WWOX: variants seen among roughly 807,000 people sequenced by gnomAD.
WWOX encodes the protein WW domain containing oxidoreductase.
A neutral mutation model predicts 46.2 loss-of-function variants in WWOX; 69 were observed. The ratio of observed to expected loss-of-function variants is 1.49; its 90% confidence interval spans 1.23 to 1.82. The LOEUF (loss-of-function observed/expected upper bound fraction) is 1.82. Ranked by LOEUF, WWOX falls within the 40% of genes most tolerant of loss-of-function variation. WWOX has a pLI of 0.00. For missense variants in WWOX, 919 were observed against 542.6 expected (o/e 1.69, Z -6.89); for synonymous variants, 359 against 202.6 (o/e 1.77, Z -6.56).
intron 8 of WWOX, among the ~76,000 whole-genome samples, chr16:78,746,169 A>G (rs190305287): frequency 1.3e-5 from 2 of 152,312 alleles, no homozygotes; most frequent in South Asian, 2.1e-4. Context: ...CATTTGTCAA[A>G]GCAGGGTCAG....
At chr16:78,990,754 T>C (rs2046871805) in intron 8 of WWOX, among the ~76,000 whole-genome samples, 1 of 152,170 alleles carries the variant, frequency 6.6e-6, no homozygotes, top group African/African-American at 2.4e-5. Flanking sequence ...GAAGGAAGTC[T>C]GGCAAGAGGG....
chr16:78,671,108 C>T (rs2047453106), intron 8 of WWOX, among the ~76,000 whole-genome samples: 3 of 152,192 alleles, frequency 2.0e-5, no homozygotes, highest in Admixed American at 2.0e-4. Context: ...AAACCTCTGG[C>T]TTCCTGAACT....
intron 6 of WWOX, among the ~76,000 whole-genome samples, chr16:78,420,602 G>A (rs1316954420): frequency 1.3e-5 from 2 of 150,728 alleles, no homozygotes; most frequent in African/African-American, 4.9e-5. Flanking sequence ...CACTGATGGT[G>A]TTTTGGGAAT....
At chr16:78,258,076 T>C (rs912451110) in intron 5 of WWOX, among the ~76,000 whole-genome samples, 1 of 152,246 alleles carries the variant, frequency 6.6e-6, no homozygotes, top group Admixed American at 6.5e-5. Flanking sequence ...ACTTCTGAGC[T>C]GCTCATTTAT....
chr16:78,605,875 C>T (rs539229953), intron 8 of WWOX, among the ~76,000 whole-genome samples: 1 of 152,086 alleles, frequency 6.6e-6, no homozygotes, highest in East Asian at 1.9e-4. Flanking sequence ...CCATATTTGG[C>T]CCTATAATTA....
At chr16:78,774,234 C>G (rs973415139) in intron 8 of WWOX, among the ~76,000 whole-genome samples, 4 of 152,088 alleles carry the variant, frequency 2.6e-5, no homozygotes, top group Admixed American at 6.6e-5. Flanking sequence ...AACCCTGTCT[C>G]TACTCAAAAT....
At chr16:78,853,424 G>A (rs1274431624) in intron 8 of WWOX, among the ~76,000 whole-genome samples, 7 of 152,032 alleles carry the variant, frequency 4.6e-5, no homozygotes, top group Admixed American at 4.6e-4. Context: ...CGTTAACCAG[G>A]CTGGTATTGT....
intron 6 of WWOX, among the ~76,000 whole-genome samples, chr16:78,398,144 CG>C (rs2082330728): frequency 1.3e-5 from 2 of 152,158 alleles, no homozygotes; most frequent in Non-Finnish European, 2.9e-5. Context: ...AAATTGATGG[CG>C]TGATCACTCT....
intron 8 of WWOX, among the ~76,000 whole-genome samples, chr16:78,657,243 C>T (rs537583321): frequency 3.5e-4 from 54 of 152,210 alleles, no homozygotes; most frequent in Middle Eastern, 3.4e-3. Flanking sequence ...TTTTCATTGC[C>T]ACCCTTGCCT....
At chr16:79,071,320 G>C (rs1037039571) in intron 8 of WWOX, among the ~76,000 whole-genome samples, 3 of 152,104 alleles carry the variant, frequency 2.0e-5, no homozygotes, top group African/African-American at 7.2e-5. Flanking sequence ...AACATACTCT[G>C]AGCTTTTGAA....
chr16:78,717,754 A>G (rs1231918556), intron 8 of WWOX, among the ~76,000 whole-genome samples: 1 of 152,184 alleles, frequency 6.6e-6, no homozygotes, highest in Non-Finnish European at 1.5e-5. Flanking sequence ...TGATGGATCT[A>G]ATCGAGGATT....
At chr16:78,918,441 G>A (rs1402003862) in intron 8 of WWOX, among the ~76,000 whole-genome samples, 1 of 152,110 alleles carries the variant, frequency 6.6e-6, no homozygotes, top group African/African-American at 2.4e-5. Context: ...TTTTCTGGCA[G>A]GGCTGGACTG....
chr16:78,532,656 C>A (rs746046930), intron 8 of WWOX, among the ~76,000 whole-genome samples: 2 of 152,018 alleles, frequency 1.3e-5, no homozygotes, highest in Non-Finnish European at 2.9e-5. Context: ...GCTGGGGAGG[C>A]GACACAGTGA....
At chr16:78,731,875 TC>T (rs1306537311) in intron 8 of WWOX, among the ~76,000 whole-genome samples, 1 of 131,670 alleles carries the variant, frequency 7.6e-6, no homozygotes, top group African/African-American at 3.3e-5. Context: ...AGAGACAGGG[TC>T]TTGCTTTATA....
At chr16:78,813,320 TA>T (rs914429544) in intron 8 of WWOX, among the ~76,000 whole-genome samples, 3 of 151,916 alleles carry the variant, frequency 2.0e-5, no homozygotes, top group South Asian at 2.1e-4. Context: ...TATACAGCCT[TA>T]AAAAAAACAC....
chr16:78,956,227 C>G (rs958648844), intron 8 of WWOX, among the ~76,000 whole-genome samples: 3 of 152,132 alleles, frequency 2.0e-5, no homozygotes, highest in African/African-American at 7.2e-5. Flanking sequence ...CTCACTGTAG[C>G]CTTGACCTCG....
At chr16:79,050,058 T>G (rs1280415479) in intron 8 of WWOX, among the ~76,000 whole-genome samples, 1 of 152,042 alleles carries the variant, frequency 6.6e-6, no homozygotes, top group Non-Finnish European at 1.5e-5. Flanking sequence ...AAACAGGTCA[T>G]TAGAGCTTCA....
chr16:78,965,966 G>T (rs1377409349), intron 8 of WWOX, among the ~76,000 whole-genome samples: 1 of 152,150 alleles, frequency 6.6e-6, no homozygotes, highest in Non-Finnish European at 1.5e-5. Flanking sequence ...GTTGGAGGAA[G>T]GAGATGCTGT....
intron 5 of WWOX, among the ~76,000 whole-genome samples, chr16:78,361,703 C>T (rs991579235): frequency 6.6e-6 from 1 of 152,134 alleles, no homozygotes; most frequent in African/African-American, 2.4e-5. Flanking sequence ...CCTCTGCCTC[C>T]TGTGTTCAGG....
Sources: gnomAD v4.1 joint callset for allele counts (sites outside exome capture counted in the v4.1 genomes callset) on GRCh38, gnomAD v4.1.1 for gene constraint, MANE v1.5 for transcripts, NCBI Gene and HGNC (gene_info 2026-07-23, HGNC 2026-07-21) for gene names.